Variants in TENM3 observed in about 807,000 individuals in gnomAD.
The protein encoded by TENM3 is teneurin-3.
TENM3 carries 63 observed loss-of-function variants against 255.1 expected under a neutral mutation model. The ratio of observed to expected loss-of-function variants is 0.25; its 90% CI spans 0.20 to 0.30. The LOEUF is 0.30. TENM3 is among the 10% of genes least tolerant of loss of function. The pLI is 1.00. For synonymous variants in TENM3, 1,306 were observed against 1,322.3 expected (o/e 0.99, Z 0.27); for missense variants, 2,929 against 3,461.1 (o/e 0.85, Z 3.86).
chr4:181,733,125 A>T, the TENM3 span, among the ~76,000 whole-genome samples: 2 of 152,216 alleles, frequency 1.3e-5, no homozygotes, highest in African/African-American at 2.4e-5. Context: ...CTGGAATTAA[A>T]GTCATTATAT....
chr4:182,161,516 G>A (rs1273141779), intron 1 of TENM3, among the ~76,000 whole-genome samples: 2 of 145,308 alleles, frequency 1.4e-5, no homozygotes, highest in South Asian at 4.3e-4. Context: ...GAACCTGGGA[G>A]GTGGAGGTTG....
At chr4:182,698,922 A>T (rs952002483) in intron 12 of TENM3, among the ~76,000 whole-genome samples, 2 of 152,244 alleles carry the variant, frequency 1.3e-5, no homozygotes, top group South Asian at 4.1e-4. Flanking sequence ...CTGAGACTCA[A>T]TTCTGAGTGT....
the TENM3 span, among the ~76,000 whole-genome samples, chr4:181,757,385 G>A: frequency 6.6e-6 from 1 of 152,148 alleles, no homozygotes; most frequent in Non-Finnish European, 1.5e-5. Flanking sequence ...CTCAATTTTA[G>A]CATTGCATGC....
chr4:182,343,190 G>A (rs896108012), intron 2 of TENM3, among the ~76,000 whole-genome samples: 6 of 151,984 alleles, frequency 3.9e-5, no homozygotes, highest in Admixed American at 1.3e-4. Flanking sequence ...AATATAATCC[G>A]AGCTAACCTT....
chr4:182,026,313 AT>A, the TENM3 span, among the ~76,000 whole-genome samples: 1 of 151,906 alleles, frequency 6.6e-6, no homozygotes, highest in Non-Finnish European at 1.5e-5. Flanking sequence ...GGATTGTTAG[AT>A]TTTTTTCTAT....
chr4:181,495,376 C>G, the TENM3 span, among the ~76,000 whole-genome samples: 1 of 152,158 alleles, frequency 6.6e-6, no homozygotes, highest in African/African-American at 2.4e-5. Flanking sequence ...TGCCTGTATG[C>G]AGAAATGAAG....
the TENM3 span, among the ~76,000 whole-genome samples, chr4:181,721,599 C>A: frequency 6.4e-3 from 164 of 25,576 alleles, no homozygotes; most frequent in African/African-American, 6.6e-3. Flanking sequence ...GACTCCGTCT[C>A]AAAAAAAAAA....
the TENM3 span, among the ~76,000 whole-genome samples, chr4:182,129,380 A>G: frequency 1.3e-5 from 2 of 152,224 alleles, no homozygotes; most frequent in Non-Finnish European, 2.9e-5. Flanking sequence ...GTGTTGTCAA[A>G]TATGAATCAA....
At position 182,688,175 on chromosome 4, in the gene TENM3, C is replaced by T. The variant is rs2152574850; in HGVS notation, c.2045C>T (p.Ser682Phe). ...TGPDCSNEIC[S>F]VDCGSHGVCM... is the part of the protein sequence containing the mutation. The stretch of plus-strand genomic sequence containing the variant: ...TCTTCCTCCCACATAGAAATATGTT[C>T]TGTGGACTGTGGCTCACACGGCGTT... Residue 682 changes from serine (S) to phenylalanine (F), a missense_variant, in exon 12 of 28, where the codon TCT becomes TTT. Ser to Phe is a radical substitution (Grantham distance 155). Transcript: ENST00000511685. The T allele has an allele frequency of 6.2e-7, 1 of 1,609,386 alleles. No individual in the cohort carries two copies. Among genetic ancestry groups the T allele is most frequent in the South Asian group, 1.1e-5 (1 of 90,298 alleles).
the TENM3 span, among the ~76,000 whole-genome samples, chr4:182,014,056 GTATATACGTATATACACATATATACGTA>G: frequency 3.6e-5 from 1 of 27,736 alleles, no homozygotes; most frequent in Non-Finnish European, 9.0e-5. Context: ...ATATATACGT[GTATATACGTATATACACATATATACGTA>G]TATATACGTG....
At chr4:182,429,449 A>T (rs1013703257) in intron 3 of TENM3, among the ~76,000 whole-genome samples, 7 of 152,224 alleles carry the variant, frequency 4.6e-5, no homozygotes, top group Non-Finnish European at 7.3e-5. Context: ...GTAGATGTTT[A>T]TAATACAAAT....
chr4:181,449,233 G>A, the TENM3 span, among the ~76,000 whole-genome samples: 4 of 152,098 alleles, frequency 2.6e-5, no homozygotes, highest in Non-Finnish European at 5.9e-5. Context: ...GGCAAATCAA[G>A]ACGGTGCAGT....
At chr4:182,502,523 A>G (rs1013047969) in intron 3 of TENM3, among the ~76,000 whole-genome samples, 6 of 152,096 alleles carry the variant, frequency 3.9e-5, no homozygotes, top group African/African-American at 1.4e-4. Context: ...TTTTCATTGT[A>G]CATTCTCAGA....
chr4:182,197,661 T>C (rs2149812680), intron 1 of TENM3, among the ~76,000 whole-genome samples: 1 of 152,350 alleles, frequency 6.6e-6, no homozygotes, highest in African/African-American at 2.4e-5. Flanking sequence ...ATATAAATGG[T>C]TTAAATAGTG....
At chr4:181,808,661 G>A in the TENM3 span, among the ~76,000 whole-genome samples, 158 of 152,292 alleles carry the variant, frequency 1.0e-3, no homozygotes, top group African/African-American at 3.7e-3. Context: ...AATTGCATGT[G>A]AAAATGGGAT....
intron 3 of TENM3, among the ~76,000 whole-genome samples, chr4:182,544,423 C>T (rs190575115): frequency 2.0e-5 from 3 of 148,890 alleles, no homozygotes; most frequent in East Asian, 2.0e-4. Context: ...CTCTGCCTCC[C>T]GGGTTCAAGC....
the TENM3 span, among the ~76,000 whole-genome samples, chr4:181,711,803 C>T: frequency 6.6e-6 from 1 of 152,124 alleles, no homozygotes; most frequent in African/African-American, 2.4e-5. Context: ...CCTTGGATAA[C>T]TTGTTTTCCA....
intron 3 of TENM3, among the ~76,000 whole-genome samples, chr4:182,556,591 T>TA (rs1296884107): frequency 6.6e-6 from 1 of 152,238 alleles, no homozygotes; most frequent in Admixed American, 6.5e-5. Context: ...AGCTTATCTC[T>TA]TATAAGTTTT....
At chr4:182,714,488 C>G (rs898234568) in intron 13 of TENM3, among the ~76,000 whole-genome samples, 35 of 152,172 alleles carry the variant, frequency 2.3e-4, no homozygotes, top group African/African-American at 8.2e-4. Context: ...CCATTGTTCT[C>G]CATTCCTTTT....
Sources: gnomAD v4.1 joint callset for allele counts (sites outside exome capture counted in the v4.1 genomes callset) on GRCh38, gnomAD v4.1.1 for gene constraint, MANE v1.5 for transcripts, NCBI Gene and HGNC (gene_info 2026-07-23, HGNC 2026-07-21) for gene names.